The following B3GAT1 variants were observed in gnomAD, a reference collection of about 807,000 sequenced individuals.
The protein encoded by B3GAT1 is beta-1,3-glucuronyltransferase 1.
A neutral mutation model predicts 28.4 loss-of-function variants in B3GAT1; 11 were observed. The ratio of observed to expected loss-of-function variants is 0.39; its 90% CI spans 0.24 to 0.64. The LOEUF (loss-of-function observed/expected upper bound fraction) is 0.64. B3GAT1 is among the 30% of genes least tolerant of loss of function. The pLI, the probability that B3GAT1 is intolerant of heterozygous loss-of-function variation, is 0.50. For synonymous variants in B3GAT1, 255 were observed against 223.1 expected, an observed-to-expected ratio of 1.14 and a Z score of -1.27; for missense variants, 375 against 491.0, an observed-to-expected ratio of 0.76 and a Z score of 2.23.
In B3GAT1 at chr11:134,382,743, G is replaced by A. The variant is rs779482078; in HGVS notation, c.885C>T (p.Asn295=). 1.6e-5 allele frequency: 26 copies of A among 1,613,996 alleles called. No individual in the cohort carries two copies. The highest frequency in any genetic ancestry group is 3.3e-5 in the Admixed American group (2 of 60,022). Residue 295 remains asparagine (N), a synonymous_variant, in exon 4 of 6, where the codon AAC becomes AAT. Coordinates refer to ENST00000312527, the MANE Select transcript of B3GAT1 (RefSeq NM_054025.3). Reference sequence around the variant, plus strand: ...AGTTGGCTGCCTTGGGCTCCAGGTCGTTGAGGGTGACAAGTTCTCGAAGGA... The same window carrying A: ...AGTTGGCTGCCTTGGGCTCCAGGTCATTGAGGGTGACAAGTTCTCGAAGGA... ...SSLLRELVTL[N]DLEPKAANCT... is the part of the protein sequence containing the mutation.
chr11:134,400,111 G>A (rs764823215), intron 1 of B3GAT1, among the ~76,000 whole-genome samples: 1 of 152,106 alleles, frequency 6.6e-6, no homozygotes, highest in African/African-American at 2.4e-5. Context: ...AGACTCTCCT[G>A]GGCTCTGTGC....
intron 1 of B3GAT1, among the ~76,000 whole-genome samples, chr11:134,399,865 GCAAGC>G (rs771481132): frequency 9.9e-5 from 15 of 152,198 alleles, no homozygotes; most frequent in Non-Finnish European, 2.2e-4. Flanking sequence ...CTGGACATAA[GCAAGC>G]CAGGTGAGCA....
At position 134,382,970 on chromosome 11, in the gene B3GAT1, C is replaced by G; in HGVS notation, c.658G>C (p.Ala220Pro). The G allele has an allele frequency of 6.3e-7, 1 of 1,593,178 alleles. No homozygotes were observed. Among genetic ancestry groups the G allele is most frequent in the East Asian group, 2.3e-5 (1 of 43,932 alleles). The change falls in exon 4 of 6, where the codon GCC becomes CCC. Residue 220 changes from alanine (A) to proline (P), a missense_variant. Physicochemically the swap from Ala to Pro is conservative, Grantham distance 27. Coordinates refer to ENST00000312527, the MANE Select transcript of B3GAT1 (RefSeq NM_054025.3). ...TCGTACCGCAGGCCACCCACGAAGG[C>G]GACGGGCCACACGGACACCCTCCTG... ...STRRVSVWPV[A>P]FVGGLRYEAP...
At chr11:134,397,199 A>G (rs746431) in intron 1 of B3GAT1, among the ~76,000 whole-genome samples, 37,973 of 151,974 alleles carry the variant, frequency 0.25, 5,571 homozygotes, top group African/African-American at 0.41. Flanking sequence ...GTTTTTACCC[A>G]CAATGGCCCT....
rs371152055 is a variant in B3GAT1, at chr11:134,382,731, G to T, written c.897C>A (p.Pro299=). ...TCACCTTGGTGCAGTTGGCTGCCTT[G>T]GGCTCCAGGTCGTTGAGGGTGACAA... is the stretch of plus-strand genomic sequence containing the variant. ...RELVTLNDLE[P]KAANCTKILV... Residue 299 remains proline, a synonymous_variant, in exon 4 of 6, where the codon CCC becomes CCA. Transcript: ENST00000312527. 6.8e-6 allele frequency: 11 copies of T among 1,613,536 alleles called. No individual in the cohort carries two copies. The highest frequency in any genetic ancestry group is 1.3e-5 in the African/African-American group (1 of 74,928).
rs1491325203 is a variant in B3GAT1 at position 134,404,029 on chromosome 11, ATT to A, written c.-282+7776_-282+7777del. ...TATATATATATATATATATATATATATTTATTATACGTTAAGTTCTAGGGTAC... is the reference window on the plus strand; with the variant it reads ...TATATATATATATATATATATATATATATTATACGTTAAGTTCTAGGGTAC... On this transcript the variant is annotated intron_variant, in intron 1 of 5. Coordinates refer to ENST00000312527, the MANE Select transcript of B3GAT1 (RefSeq NM_054025.3). Among the ~76,000 whole-genome samples the A allele has an allele frequency of 2.4e-3, 272 of 112,256 alleles. 4 individuals are homozygous for A. The highest frequency in any genetic ancestry group is 5.2e-3 in the African/African-American group (151 of 28,878). The allele number at this position is 112,256 out of a possible 152,430, so 73.6% of individuals were successfully genotyped here. A position where few individuals can be genotyped will look rare whatever the true frequency, so the allele number is the denominator to read the frequency against.
chr11:134,382,731 G>A lies in B3GAT1; in HGVS notation c.897C>T (p.Pro299=), dbSNP rs371152055. ...RELVTLNDLE[P]KAANCTKILV... Reference sequence around the variant, plus strand: ...TCACCTTGGTGCAGTTGGCTGCCTTGGGCTCCAGGTCGTTGAGGGTGACAA... The same window carrying A: ...TCACCTTGGTGCAGTTGGCTGCCTTAGGCTCCAGGTCGTTGAGGGTGACAA... The change falls in exon 4 of 6, where the codon CCC becomes CCT. Residue 299 remains proline (P), a synonymous_variant. Coordinates refer to ENST00000312527, the MANE Select transcript of B3GAT1 (RefSeq NM_054025.3). 5.1e-5 allele frequency: 82 copies of A among 1,613,536 alleles called. No homozygotes were observed. Among genetic ancestry groups the A allele is most frequent in the Non-Finnish European group, 6.7e-5 (79 of 1,179,666 alleles).
At chr11:134,380,857 T>G (rs182285480) in intron 5 of B3GAT1, 110 bp from the exon 6 acceptor site, 24 of 152,466 alleles carry the variant, frequency 1.6e-4, no homozygotes, top group African/African-American at 5.5e-4. Context: ...CCCCAGGTCC[T>G]GTGGGGGCCT....
At chr11:134,383,300 C>T (rs1944178952) in intron 3 of B3GAT1, among the ~76,000 whole-genome samples, 1 of 152,136 alleles carries the variant, frequency 6.6e-6, no homozygotes. Context: ...TTCAGTCTCC[C>T]CGCTCTAGAG....
Position 134,383,067 on chromosome 11 carries a change from C to T in B3GAT1, c.622-61G>A. On this transcript the variant is annotated intron_variant, in intron 3 of 5. Coordinates refer to ENST00000312527, the MANE Select transcript of B3GAT1 (RefSeq NM_054025.3). The stretch of plus-strand genomic sequence containing the variant: ...CTGCAGATGAGGACGGCCGCGCGTG[C>T]CCAAGGGAGGCGACATCCTTCAGCC... The T allele has an allele frequency of 2.7e-6, 4 of 1,467,344 alleles. No individual in the cohort carries two copies. The South Asian group carries it at 5.5e-5, about 20-fold the overall frequency. The allele number at this position is 1,467,344 out of a possible 1,614,324, so 90.9% of individuals were successfully genotyped here.
chr11:134,383,981 T>C lies in B3GAT1; in HGVS notation c.320A>G (p.Asn107Ser), dbSNP rs1351878436. 7.5e-6 allele frequency: 12 copies of C among 1,602,958 alleles called. No individual in the cohort carries two copies. Among genetic ancestry groups the C allele is most frequent in the Non-Finnish European group, 1.0e-5 (12 of 1,178,598 alleles). Residue 107 changes from asparagine to serine, a missense_variant, in exon 3 of 6, where the codon AAC becomes AGC. By Grantham distance (46) the Asn-to-Ser change is conservative (BLOSUM62 1). Transcript: ENST00000312527. ...VQKAELTRMA[N>S]TLLHVPNLHW... ...GAGGTTGGGCACGTGCAGCAGCGTGTTGGCCATGCGCGTCAGCTCGGCCTT... is the reference window on the plus strand; with the variant it reads ...GAGGTTGGGCACGTGCAGCAGCGTGCTGGCCATGCGCGTCAGCTCGGCCTT...
intron 1 of B3GAT1, among the ~76,000 whole-genome samples, chr11:134,396,390 AC>A (rs1373908136): frequency 1.3e-5 from 2 of 151,442 alleles, no homozygotes; most frequent in Non-Finnish European, 2.9e-5. Flanking sequence ...GCCTTCTGCC[AC>A]CCCCCTGCCA....
chr11:134,394,402 G>A (rs1206655842), intron 1 of B3GAT1, among the ~76,000 whole-genome samples: 1 of 152,166 alleles, frequency 6.6e-6, no homozygotes, highest in Non-Finnish European at 1.5e-5. Flanking sequence ...GCTCAAACTC[G>A]GGCCTTGGCC....
chr11:134,404,871 T>C (rs148047390), intron 1 of B3GAT1, among the ~76,000 whole-genome samples: 42 of 152,270 alleles, frequency 2.8e-4, no homozygotes, highest in Non-Finnish European at 5.3e-4. Context: ...TCTCTGACCG[T>C]GAGGAAAGCA....
chr11:134,406,291 C>T (rs1222883106), intron 1 of B3GAT1, among the ~76,000 whole-genome samples: 3 of 152,262 alleles, frequency 2.0e-5, no homozygotes, highest in Admixed American at 2.0e-4. Flanking sequence ...TCCTTTGCTG[C>T]TCTTATTCTG....
intron 1 of B3GAT1, among the ~76,000 whole-genome samples, chr11:134,404,082 C>T (rs1478642557): frequency 2.2e-5 from 3 of 137,842 alleles, no homozygotes; most frequent in African/African-American, 8.2e-5. Context: ...AGGTTTGTTA[C>T]ATATGTATAC....
rs373244878 is a variant in B3GAT1 at position 134,383,669 on chromosome 11, C to A, written c.621+11G>T. On this transcript the variant is annotated intron_variant, in intron 3 of 5. Transcript: ENST00000312527. ...GGAGGTCCCGCTGCTCACTGTCGGG[C>A]CCTCCCTCACCTCTTCGAAGAGCTC... 1.2e-4 allele frequency: 183 copies of A among 1,545,826 alleles called. No individual in the cohort carries two copies. The African/African-American group carries it at 2.3e-3, about 19-fold the overall frequency.
intron 4 of B3GAT1, 147 bp from the exon 5 acceptor site, chr11:134,382,171 A>C: frequency 1.5e-6 from 1 of 685,008 alleles, no homozygotes; most frequent in Non-Finnish European, 2.4e-6. Context: ...AGATTTTCTC[A>C]ATTGTTTTTT....
At chr11:134,397,425 G>T (rs541403006) in intron 1 of B3GAT1, among the ~76,000 whole-genome samples, 1 of 150,970 alleles carries the variant, frequency 6.6e-6, no homozygotes, top group African/African-American at 2.5e-5. Flanking sequence ...TCTCTGCCCC[G>T]CCAGCTTCCG....
Sources: allele counts gnomAD v4.1 joint callset (sites outside exome capture counted in the v4.1 genomes callset), GRCh38; gene constraint gnomAD v4.1.1; transcripts MANE v1.5; gene names NCBI Gene and HGNC (gene_info 2026-07-23, HGNC 2026-07-21).